CHCHD6: variants seen among roughly 807,000 people sequenced by gnomAD.
The protein encoded by CHCHD6 is MICOS complex subunit MIC25.
In CHCHD6, 28 loss-of-function variants were observed where a neutral mutation model predicts 32.3. The observed-to-expected ratio is 0.87, with a 90% CI of 0.64 to 1.19. The LOEUF (loss-of-function observed/expected upper bound fraction) is 1.19. CHCHD6 is among the 50% of genes most tolerant of loss of function. The pLI, the probability that CHCHD6 is intolerant of heterozygous loss-of-function variation, is 0.00. For missense variants in CHCHD6, 333 were observed against 307.0 expected, an observed-to-expected ratio of 1.08 and a Z score of -0.63; for synonymous variants, 122 against 117.5, an observed-to-expected ratio of 1.04 and a Z score of -0.25.
At chr3:126,947,923 C>T (rs1446276313) in intron 6 of CHCHD6, among the ~76,000 whole-genome samples, 1 of 152,186 alleles carries the variant, frequency 6.6e-6, no homozygotes, top group Admixed American at 6.5e-5. Flanking sequence ...TAAAATAACG[C>T]CTTACAGGGG....
chr3:126,767,637 A>G (rs1191731279), intron 4 of CHCHD6, among the ~76,000 whole-genome samples: 2 of 152,108 alleles, frequency 1.3e-5, no homozygotes, highest in African/African-American at 4.8e-5. Flanking sequence ...GTGAAGGTTT[A>G]TTATATAGGT....
At chr3:126,859,658 A>C (rs1341623794) in intron 5 of CHCHD6, among the ~76,000 whole-genome samples, 4 of 152,228 alleles carry the variant, frequency 2.6e-5, no homozygotes, top group Non-Finnish European at 5.9e-5. Flanking sequence ...TGTTCTACAA[A>C]TGCAGAAGCT....
intron 4 of CHCHD6, among the ~76,000 whole-genome samples, chr3:126,747,229 T>G (rs1435526391): frequency 2.6e-5 from 4 of 152,218 alleles, no homozygotes; most frequent in African/African-American, 9.6e-5. Flanking sequence ...GGAAAAGATC[T>G]TTACTCAGAT....
chr3:126,704,246 T>C lies in CHCHD6; in HGVS notation c.-67T>C. 7.6e-7 allele frequency: 1 copy of C among 1,309,486 alleles called. No individual in the cohort carries two copies. The highest frequency in any genetic ancestry group is 1.1e-6 in the Non-Finnish European group (1 of 920,842). 81.1% of individuals were successfully genotyped at this position (1,309,486 alleles called of 1,614,324 possible). The stretch of plus-strand genomic sequence containing the variant: ...GCGGCCGCGCGAGTCCTGGAAAGCG[T>C]TGTTGGCCCGGTTGCTCTGGAGCCG... On this transcript the variant is annotated 5_prime_UTR_variant, in exon 1 of 8. Coordinates refer to ENST00000290913, the MANE Select transcript of CHCHD6 (RefSeq NM_032343.3).
chr3:126,956,078 T>G (rs1255735893), intron 6 of CHCHD6, among the ~76,000 whole-genome samples: 1 of 152,148 alleles, frequency 6.6e-6, no homozygotes, highest in African/African-American at 2.4e-5. Flanking sequence ...TGAGGAACTG[T>G]GTTCAAGTTA....
chr3:126,835,876 G>T (rs917694950), intron 4 of CHCHD6, among the ~76,000 whole-genome samples: 2 of 152,184 alleles, frequency 1.3e-5, no homozygotes, highest in Non-Finnish European at 2.9e-5. Flanking sequence ...TTTTTAAAAG[G>T]TGTTCAGCTA....
chr3:126,887,571 G>A (rs554032506), intron 5 of CHCHD6, among the ~76,000 whole-genome samples: 72 of 152,248 alleles, frequency 4.7e-4, no homozygotes, highest in African/African-American at 1.6e-3. Context: ...AAAGTTCAGC[G>A]AGTAGCCCAG....
chr3:126,926,980 A>G (rs931885207), intron 6 of CHCHD6, among the ~76,000 whole-genome samples: 3 of 152,138 alleles, frequency 2.0e-5, no homozygotes, highest in Admixed American at 6.5e-5. Flanking sequence ...CAGCAACAAA[A>G]TAAGATGATT....
chr3:126,848,042 C>T (rs544082886), intron 4 of CHCHD6, among the ~76,000 whole-genome samples: 1 of 152,096 alleles, frequency 6.6e-6, no homozygotes, highest in Non-Finnish European at 1.5e-5. Flanking sequence ...TGCAGTGATG[C>T]GATCATAACT....
intron 4 of CHCHD6, among the ~76,000 whole-genome samples, chr3:126,779,690 A>C (rs1014149053): frequency 6.6e-6 from 1 of 152,178 alleles, no homozygotes; most frequent in African/African-American, 2.4e-5. Context: ...TCCCAGCACT[A>C]TTTGTTGAAA....
At chr3:126,705,664 T>C (rs1934450676) in intron 1 of CHCHD6, among the ~76,000 whole-genome samples, 1 of 152,158 alleles carries the variant, frequency 6.6e-6, no homozygotes, top group Non-Finnish European at 1.5e-5. Flanking sequence ...TAAAAGGGAC[T>C]AGGATTAAAT....
At chr3:126,731,098 T>TAA (rs34596059) in intron 3 of CHCHD6, among the ~76,000 whole-genome samples, 26 of 73,968 alleles carry the variant, frequency 3.5e-4, no homozygotes, top group African/African-American at 7.2e-4. Flanking sequence ...ACCCTGTCTC[T>TAA]AAAAAAAAAA....
intron 4 of CHCHD6, among the ~76,000 whole-genome samples, chr3:126,831,925 A>G (rs1256834877): frequency 6.6e-6 from 1 of 152,220 alleles, no homozygotes; most frequent in African/African-American, 2.4e-5. Context: ...TGGGTGTGGT[A>G]GCTGTCACTG....
rs150302447 is a variant in CHCHD6 at position 126,723,924 on chromosome 3, C to T, written c.88-3154C>T. Among the ~76,000 whole-genome samples the T allele has an allele frequency of 3.9e-5, 6 of 152,312 alleles. No homozygotes were observed. The East Asian group carries it at 1.2e-3, about 29-fold the overall frequency. ...ATATTAGGCACTTAATAAATATTTA[C>T]TAAAGTGAACTCTTAAGGATTTTTA... On this transcript the variant is annotated intron_variant, in intron 1 of 7. Transcript: ENST00000290913.
chr3:126,713,199 A>G lies in CHCHD6; in HGVS notation c.87+8800A>G, dbSNP rs193060464. Among the ~76,000 whole-genome samples the G allele has an allele frequency of 7.9e-5, 12 of 152,304 alleles. No homozygotes were observed. In the South Asian group the frequency reaches 8.3e-4, roughly 11 times the overall value. ...AAAAACGCAAATTTTACTTTTGAACAGGTTTCCAGGAGATGGTCATTAAAT... is the reference window on the plus strand; with the variant it reads ...AAAAACGCAAATTTTACTTTTGAACGGGTTTCCAGGAGATGGTCATTAAAT... On this transcript the variant is annotated intron_variant, in intron 1 of 7. Transcript: ENST00000290913.
intron 5 of CHCHD6, among the ~76,000 whole-genome samples, chr3:126,860,062 T>A (rs1941803745): frequency 6.6e-6 from 1 of 151,966 alleles, no homozygotes; most frequent in South Asian, 2.1e-4. Flanking sequence ...TGCCGGTCAC[T>A]CCAATGTGGC....
At chr3:126,837,367 C>T (rs1940902350) in intron 4 of CHCHD6, among the ~76,000 whole-genome samples, 1 of 152,052 alleles carries the variant, frequency 6.6e-6, no homozygotes, top group South Asian at 2.1e-4. Flanking sequence ...AGTTCAACAC[C>T]AGCCTAGGCA....
Position 126,707,846 on chromosome 3 carries a change from C to T in CHCHD6, c.87+3447C>T, listed in dbSNP as rs1934567647. 2.6e-5 allele frequency among the ~76,000 whole-genome samples: 4 copies of T among 152,382 alleles called. No individual in the cohort carries two copies. In the South Asian group the frequency reaches 8.3e-4, roughly 32 times the overall value. ...GCCGTGTGCCAGAGCGCTGCACCTG[C>T]AACTGCCAGTTATTCCTCACCTCAG... On this transcript the variant is annotated intron_variant, in intron 1 of 7. Coordinates refer to ENST00000290913, the MANE Select transcript of CHCHD6 (RefSeq NM_032343.3).
chr3:126,858,157 C>T (rs1004886124), intron 5 of CHCHD6, among the ~76,000 whole-genome samples: 6 of 152,058 alleles, frequency 3.9e-5, no homozygotes, highest in Non-Finnish European at 8.8e-5. Context: ...GGAAAGCAGC[C>T]GGGTAGGGAA....
Sources: allele counts gnomAD v4.1 joint callset (sites outside exome capture counted in the v4.1 genomes callset), GRCh38; gene constraint gnomAD v4.1.1; transcripts MANE v1.5; gene names NCBI Gene and HGNC (gene_info 2026-07-23, HGNC 2026-07-21).